Variants in MED24 observed in about 807,000 individuals in gnomAD.
MED24 encodes mediator complex subunit 24, also known as mediator of RNA polymerase II transcription subunit 24.
MED24 carries 74 observed loss-of-function variants against 118.8 expected under a neutral mutation model. The ratio of observed to expected loss-of-function variants is 0.62; its 90% CI spans 0.52 to 0.76. The LOEUF is 0.76. MED24 is among the 30% of genes least tolerant of loss of function. The pLI, the probability that MED24 is intolerant of heterozygous loss-of-function variation, is 0.00. For synonymous variants in MED24, 521 were observed against 523.9 expected, an observed-to-expected ratio of 0.99 and a Z score of 0.08; for missense variants, 1,041 against 1,278.9, an observed-to-expected ratio of 0.81 and a Z score of 2.84.
At position 40,031,674 on chromosome 17, in the gene MED24, A is replaced by G. The variant is rs7501734; in HGVS notation, c.985-54T>C. ...TTTCCAGGGCCACCAGGCCCTGATC[A>G]TCTCAGGCAACCTTGTCTGCTGGAG... is the stretch of plus-strand genomic sequence containing the variant. On this transcript the variant is annotated intron_variant, in intron 10 of 25. Transcript: ENST00000394128. 2.5e-3 allele frequency: 3,772 copies of G among 1,527,944 alleles called. 70 individuals are homozygous for G. The African/African-American group carries it at 0.047, about 19-fold the overall frequency. The allele number at this position is 1,527,944 out of a possible 1,614,324, so 94.6% of individuals were successfully genotyped here. A position where few individuals can be genotyped will look rare whatever the true frequency, so the allele number is the denominator to read the frequency against.
chr17:40,037,466 T>C (rs1984075091), intron 3 of MED24, among the ~76,000 whole-genome samples: 1 of 152,054 alleles, frequency 6.6e-6, no homozygotes. Flanking sequence ...AGGATGCTTT[T>C]ACTCAGTGAC....
chr17:40,053,009 T>C (rs957477437), intron 3 of MED24, among the ~76,000 whole-genome samples: 10 of 152,224 alleles, frequency 6.6e-5, no homozygotes, highest in African/African-American at 2.4e-4. Context: ...TCATGGCTCA[T>C]TGCAGTCTCG....
rs371639314 is a variant in MED24 at position 40,019,797 on chromosome 17, C to T, written c.2841G>A (p.Met947Ile). 145 of 1,611,066 alleles carry T rather than the reference C, an allele frequency of 9.0e-5. 1 individual carries two copies. In the South Asian group the frequency reaches 9.0e-4, roughly 10 times the overall value. The change falls in exon 25 of 26, where the codon ATG becomes ATA. Residue 947 changes from methionine (M) to isoleucine (I), a missense_variant. Met to Ile is a conservative substitution (Grantham distance 10, BLOSUM62 1). Transcript: ENST00000394128. ...AGGTGGTACTCACGGTGGTGAAGGGCATGAACTGCAGGACGCTGCCACGGC... is the reference window on the plus strand; with the variant it reads ...AGGTGGTACTCACGGTGGTGAAGGGTATGAACTGCAGGACGCTGCCACGGC... ...QGGRGSVLQF[M>I]PFTTVSELVK...
intron 24 of MED24, 60 bp from the exon 25 acceptor site, chr17:40,019,993 C>T (rs1568151754): frequency 1.3e-6 from 2 of 1,532,724 alleles, no homozygotes; most frequent in Non-Finnish European, 1.8e-6. Flanking sequence ...TGAGGTCACA[C>T]TCTGGGAGAA....
Position 40,031,186 on chromosome 17 carries a change from G to T in MED24, c.1127C>A (p.Ala376Asp). 6.4e-7 allele frequency: 1 copy of T among 1,571,672 alleles called. No homozygotes were observed. The highest frequency in any genetic ancestry group is 1.2e-5 in the South Asian group (1 of 85,452). Residue 376 changes from alanine (A) to aspartate (D), a missense_variant, in exon 12 of 26, where the codon GCC (alanine) becomes GAC (aspartate). By Grantham distance (126) the Ala-to-Asp change is moderately radical. Coordinates refer to ENST00000394128, the MANE Select transcript of MED24 (RefSeq NM_014815.4). The part of the protein sequence containing the change: ...ECGKQGLLSE[A>D]SVNNLMAKRK... ...CTTAGCCATAAGGTTGTTGACGCTG[G>T]CCTCAGACAGAAGCCCCTGCTTGCC... is the stretch of plus-strand genomic sequence containing the variant.
chr17:40,046,711 A>G (rs2144981036), intron 3 of MED24, among the ~76,000 whole-genome samples: 1 of 151,374 alleles, frequency 6.6e-6, no homozygotes, highest in South Asian at 2.1e-4. Context: ...CCGCCACTGC[A>G]CTCCAGCCTG....
chr17:40,022,833 C>A lies in MED24; in HGVS notation c.2251-7G>T, dbSNP rs186912607. 1.6e-5 allele frequency: 25 copies of A among 1,612,248 alleles called. No individual in the cohort carries two copies. In the Admixed American group the frequency reaches 3.8e-4, roughly 25 times the overall value. On this transcript the variant is annotated splice_polypyrimidine_tract_variant and splice_region_variant and intron_variant, in intron 20 of 25. Coordinates refer to ENST00000394128, the MANE Select transcript of MED24 (RefSeq NM_014815.4). Reference sequence around the variant, plus strand: ...GCGTCTCCTTCAGCAGCTCCTAGTGCGCAGGAAAGGGGGCAGTTCAGGAGC... The same window carrying A: ...GCGTCTCCTTCAGCAGCTCCTAGTGAGCAGGAAAGGGGGCAGTTCAGGAGC...
chr17:40,023,070 C>T, intron 20 of MED24, 61 bp downstream of exon 20: 1 of 1,564,194 alleles, frequency 6.4e-7, no homozygotes, highest in Non-Finnish European at 8.7e-7. Context: ...CAGACCAGGC[C>T]AGGTGTGGGG....
At chr17:40,026,601 G>A (rs776882718) in intron 18 of MED24, 46 bp downstream of exon 18, 4 of 1,521,714 alleles carry the variant, frequency 2.6e-6, no homozygotes, top group Admixed American at 1.9e-5. Flanking sequence ...TCACTGGCTG[G>A]CTCTGTGTCT....
rs767446754 is a variant in MED24, at chr17:40,027,017, C to T, written c.1548G>A (p.Ser516=). 2 of 1,613,944 alleles carry T rather than the reference C, an allele frequency of 1.2e-6. No individual in the cohort carries two copies. The highest frequency in any genetic ancestry group is 1.6e-4 in the Middle Eastern group (1 of 6,084). The change falls in exon 17 of 26, where the codon TCG becomes TCA. Residue 516 remains serine (S), a synonymous_variant. Coordinates refer to ENST00000394128, the MANE Select transcript of MED24 (RefSeq NM_014815.4). ...AGAAGGGCACCTCAGCTCCTGTGCG[C>T]GACTCGGACAGAATCACCTGGGAAA... is the stretch of plus-strand genomic sequence containing the variant. The part of the protein sequence containing the change: ...TYGSEVILSE[S]RTGAEVPFFE...
At chr17:40,039,357 C>G (rs576158848) in intron 3 of MED24, among the ~76,000 whole-genome samples, 2 of 152,286 alleles carry the variant, frequency 1.3e-5, no homozygotes, top group East Asian at 1.9e-4. Flanking sequence ...GGCAGGAGAC[C>G]CTCTGTGTGG....
Position 40,023,277 on chromosome 17 carries a change from G to A in MED24, c.2104C>T (p.Pro702Ser), listed in dbSNP as rs755768525. The part of the protein sequence containing the change: ...VDTMPYWNLL[P>S]PKRPIKEVLT... ...ACCTCTTTGATGGGCCGCTTGGGGG[G>A]CAGCAGGTTCCAGTAGGGCATTGTG... Residue 702 changes from proline (P) to serine (S), a missense_variant, in exon 20 of 26, where the codon CCC becomes TCC. By Grantham distance (74) the Pro-to-Ser change is moderately conservative (BLOSUM62 -1). Around this residue, in one of 3 missense-constraint regions of MED24, gnomAD observed 587 missense variants for 694.4 expected, o/e 0.85. Transcript: ENST00000394128. 6 of 1,614,160 alleles carry A rather than the reference G, an allele frequency of 3.7e-6. 1 individual carries two copies. The highest frequency in any genetic ancestry group is 1.3e-5 in the African/African-American group (1 of 75,040).
At chr17:40,043,890 C>CAAAAAAAA (rs35743512) in intron 3 of MED24, among the ~76,000 whole-genome samples, 9 of 97,458 alleles carry the variant, frequency 9.2e-5, no homozygotes, top group South Asian at 3.6e-4. Context: ...GACTCCATCT[C>CAAAAAAAA]AAAAAAAAAA....
Position 40,021,957 on chromosome 17 carries a change from G to A in MED24, c.2621C>T (p.Pro874Leu). Residue 874 changes from proline (P) to leucine (L), a missense_variant and splice_region_variant, in exon 23 of 26, where the codon CCC (proline) becomes CTC (leucine). Coordinates refer to ENST00000394128, the MANE Select transcript of MED24 (RefSeq NM_014815.4). ...NEDDANILSS[P>L]TDRSMSSSLS... Reference sequence around the variant, plus strand: ...GCGCGGCCAGCCCACACACTCACTGGGGCTCGAAAGGATGTTGGCATCGTC... The same window carrying A: ...GCGCGGCCAGCCCACACACTCACTGAGGCTCGAAAGGATGTTGGCATCGTC... 2 of 1,595,000 alleles carry A rather than the reference G, an allele frequency of 1.3e-6. No homozygotes were observed. Among genetic ancestry groups the A allele is most frequent in the Non-Finnish European group, 1.7e-6 (2 of 1,169,900 alleles).
chr17:40,046,758 G>A (rs992896517), intron 3 of MED24, among the ~76,000 whole-genome samples: 1 of 144,648 alleles, frequency 6.9e-6, no homozygotes, highest in Non-Finnish European at 1.5e-5. Context: ...AAAAAAACAA[G>A]AAGAAGAAGA....
chr17:40,052,272 G>A (rs1316504673), intron 3 of MED24, among the ~76,000 whole-genome samples: 2 of 152,146 alleles, frequency 1.3e-5, no homozygotes, highest in African/African-American at 2.4e-5. Context: ...CAGCCTGGGC[G>A]ATAGAGCAAG....
rs764606546 is a variant in MED24 at position 40,022,383 on chromosome 17, G to A, written c.2523+11C>T. The A allele has an allele frequency of 1.9e-6, 3 of 1,601,158 alleles. No homozygotes were observed. Among genetic ancestry groups the A allele is most frequent in the Admixed American group, 3.5e-5 (2 of 57,832 alleles). ...ACAAGTGAAGCCGGCGAGGGCAGCT[G>A]GGGGGCCTACCTCAATGTCTTCGCG... On this transcript the variant is annotated intron_variant, in intron 22 of 25. Transcript: ENST00000394128.
chr17:40,033,529 G>T lies in MED24; in HGVS notation c.560-73C>A, dbSNP rs184753673. 230 of 1,305,226 alleles carry T rather than the reference G, an allele frequency of 1.8e-4. No homozygotes were observed. The East Asian group carries it at 5.8e-3, about 33-fold the overall frequency. 80.9% of individuals were successfully genotyped at this position (1,305,226 alleles called of 1,614,324 possible). On this transcript the variant is annotated intron_variant, in intron 6 of 25. Transcript: ENST00000394128. The surrounding 1 kb of genome is among the most constrained non-coding windows in gnomAD (Gnocchi z 5.2). ...AGGAGCACCTGGCCCTGAACTCCTC[G>T]ATTTTGGCACTCCCTCCGGCACACG...
At position 40,026,656 on chromosome 17, in the gene MED24, C is replaced by T. The variant is rs543207953; in HGVS notation, c.1800G>A (p.Glu600=). ...NAWENGVLAF[E]SIQKITDNIK... ...GGGAAGGCGGGGCTACCTGGATGGACTCGAAGGCCAGGACCCCATTCTCCC... is the reference window on the plus strand; with the variant it reads ...GGGAAGGCGGGGCTACCTGGATGGATTCGAAGGCCAGGACCCCATTCTCCC... Residue 600 remains glutamate (E), a synonymous_variant, in exon 18 of 26, where the codon GAG becomes GAA. Coordinates refer to ENST00000394128, the MANE Select transcript of MED24 (RefSeq NM_014815.4). 29 of 1,608,470 alleles carry T rather than the reference C, an allele frequency of 1.8e-5. No homozygotes were observed. The East Asian group carries it at 5.8e-4, about 32-fold the overall frequency.
Sources: gnomAD v4.1 joint callset for allele counts (sites outside exome capture counted in the v4.1 genomes callset) on GRCh38, gnomAD v4.1.1 for gene constraint, gnomAD v4.1.1 regional missense constraint, Gnocchi (gnomAD v3.1) non-coding constraint, MANE v1.5 for transcripts, NCBI Gene and HGNC (gene_info 2026-07-23, HGNC 2026-07-21) for gene names.